Variants in PDIA3 observed in about 807,000 individuals in gnomAD.
PDIA3 encodes the protein protein disulfide-isomerase A3.
Under a neutral mutation model 56.9 loss-of-function variants are expected in PDIA3, and 16 were observed. That is an observed-to-expected ratio of 0.28 (90% confidence interval 0.19 to 0.43). The LOEUF (loss-of-function observed/expected upper bound fraction) is 0.43, where lower values mean the gene tolerates loss of function less well. PDIA3 is among the 20% of genes least tolerant of loss of function. The probability of loss-of-function intolerance (pLI) is 1.00; values close to 1 mark genes in which losing one functional copy is unlikely to be tolerated. For synonymous variants in PDIA3, 192 were observed against 216.5 expected, an observed-to-expected ratio of 0.89 and a Z score of 0.99; for missense variants, 485 against 621.3, an observed-to-expected ratio of 0.78 and a Z score of 2.33.
At chr15:43,753,985 A>T (rs192444090) in intron 2 of PDIA3, 83 bp downstream of exon 2, 2 of 892,358 alleles carry the variant, frequency 2.2e-6, no homozygotes, top group African/African-American at 3.3e-5. Flanking sequence ...ACATGGAAAA[A>T]AATAACAGTA....
In PDIA3 at chr15:43,765,434, C is replaced by T; in HGVS notation, c.603-16C>T. 1.0e-5 allele frequency: 12 copies of T among 1,185,558 alleles called. No individual in the cohort carries two copies. The highest frequency in any genetic ancestry group is 1.4e-5 in the South Asian group (1 of 72,986). 73.4% of individuals were successfully genotyped at this position (1,185,558 alleles called of 1,614,324 possible). A position where few individuals can be genotyped will look rare whatever the true frequency, so the allele number is the denominator to read the frequency against. Reference sequence around the variant, plus strand: ...CTGCTATCTGCCTACTGAGACTTTTCTTTTTTTTTTTTAAGGGGTATCATC... The same window carrying T: ...CTGCTATCTGCCTACTGAGACTTTTTTTTTTTTTTTTTAAGGGGTATCATC... On this transcript the variant is annotated splice_polypyrimidine_tract_variant and intron_variant, in intron 5 of 12. Coordinates refer to ENST00000300289, the MANE Select transcript of PDIA3 (RefSeq NM_005313.5).
At chr15:43,758,127 A>G (rs2086791526) in intron 3 of PDIA3, among the ~76,000 whole-genome samples, 1 of 151,158 alleles carries the variant, frequency 6.6e-6, no homozygotes, top group South Asian at 2.1e-4. Flanking sequence ...AATCCCAGCT[A>G]CTCGGGAGGC....
chr15:43,765,414 A>C (rs767580065), intron 5 of PDIA3, 36 bp from the exon 6 acceptor site: 1 of 1,149,786 alleles, frequency 8.7e-7, no homozygotes, highest in Non-Finnish European at 1.3e-6. Context: ...TTCTTCTGCT[A>C]TCTGCCTACT....
chr15:43,756,501 T>C (rs2086779272), intron 2 of PDIA3, 148 bp from the exon 3 acceptor site: 1 of 607,020 alleles, frequency 1.6e-6, no homozygotes, highest in African/African-American at 1.8e-5. Flanking sequence ...AGCTCCAGTC[T>C]GCCTTTAAAA....
Position 43,758,527 on chromosome 15 carries a change from G to A in PDIA3, c.364+1761G>A, listed in dbSNP as rs542354920. ...TACAAAAATTAGCTGGGTGTGATGC[G>A]CATACCTGTAATCCCAGCTACCTGG... On this transcript the variant is annotated intron_variant, in intron 3 of 12. Coordinates refer to ENST00000300289, the MANE Select transcript of PDIA3 (RefSeq NM_005313.5). Among the ~76,000 whole-genome samples, 16 of 150,022 alleles carry A rather than the reference G, an allele frequency of 1.1e-4. 1 individual carries two copies. Among genetic ancestry groups the A allele is most frequent in the African/African-American group, 2.7e-4 (11 of 40,790 alleles).
At chr15:43,758,690 A>G (rs2086795528) in intron 3 of PDIA3, among the ~76,000 whole-genome samples, 1 of 150,074 alleles carries the variant, frequency 6.7e-6, no homozygotes, top group Non-Finnish European at 1.5e-5. Flanking sequence ...AATTAAAAAT[A>G]GAAGGCCAGG....
rs971326857 is a variant in PDIA3, at chr15:43,768,223, A to G, written c.1029-266A>G. On this transcript the variant is annotated intron_variant, in intron 8 of 12. Transcript: ENST00000300289. ...TACTGTAAATAGTGTGCTCCAGAGC[A>G]ATAAGACCTTGTTTTCTTACAAAGA... is the stretch of plus-strand genomic sequence containing the variant. Among the ~76,000 whole-genome samples the G allele has an allele frequency of 2.0e-5, 3 of 152,196 alleles. No homozygotes were observed. The East Asian group carries it at 5.8e-4, about 29-fold the overall frequency.
At chr15:43,761,400 A>T in intron 3 of PDIA3, 24 bp from the exon 4 acceptor site, 1 of 1,285,926 alleles carries the variant, frequency 7.8e-7, no homozygotes, top group Non-Finnish European at 1.1e-6. Flanking sequence ...TTGTGTTGTC[A>T]TAACTTTTAT....
intron 7 of PDIA3, 46 bp from the exon 8 acceptor site, chr15:43,766,682 G>T (rs748283722): frequency 2.0e-6 from 3 of 1,531,750 alleles, no homozygotes; most frequent in South Asian, 2.3e-5. Context: ...AAAAGTGCTT[G>T]ACCACCCTGT....
chr15:43,765,983 C>G lies in PDIA3; in HGVS notation c.816C>G (p.Asn272Lys). The G allele has an allele frequency of 6.2e-7, 1 of 1,613,350 alleles. No individual in the cohort carries two copies. Among genetic ancestry groups the G allele is most frequent in the East Asian group, 2.2e-5 (1 of 44,780 alleles). The change falls in exon 7 of 13, where the codon AAC becomes AAG. Residue 272 changes from asparagine (N) to lysine (K), a missense_variant. Physicochemically the swap from Asn to Lys is moderately conservative, Grantham distance 94. Coordinates refer to ENST00000300289, the MANE Select transcript of PDIA3 (RefSeq NM_005313.5). ...ACTATGATGTGGACTATGAAAAGAA[C>G]GCTAAAGGTTCCAACTACTGGAGAA... ...IAYYDVDYEK[N>K]AKGSNYWRNR...
At position 43,769,048 on chromosome 15, in the gene PDIA3, G is replaced by A. The variant is rs919426315; in HGVS notation, c.1137+451G>A. On this transcript the variant is annotated intron_variant, in intron 9 of 12. Coordinates refer to ENST00000300289, the MANE Select transcript of PDIA3 (RefSeq NM_005313.5). ...TCAAAAAAAAAAAAAGCATTGGCAG[G>A]GCTCATAATGCTTGGTAGGGGCAAG... 6.6e-5 allele frequency among the ~76,000 whole-genome samples: 10 copies of A among 152,128 alleles called. No individual in the cohort carries two copies. In the East Asian group the frequency reaches 1.9e-3, roughly 29 times the overall value.
chr15:43,772,459 C>T lies in PDIA3; in HGVS notation c.*1241C>T, dbSNP rs1019670970. The T allele has an allele frequency of 6.6e-6, 1 of 152,190 alleles. No individual in the cohort carries two copies. The highest frequency in any genetic ancestry group is 1.9e-4 in the East Asian group (1 of 5,198). 9.4% of individuals were successfully genotyped at this position (152,190 alleles called of 1,614,324 possible). ...TGGAAAAAGTAAAAGATGTCTAAAC[C>T]ATAATCTTGTAACTCATAACATCTG... On this transcript the variant is annotated 3_prime_UTR_variant, in exon 13 of 13. Transcript: ENST00000300289.
chr15:43,761,325 A>T lies in PDIA3; in HGVS notation c.365-99A>T, dbSNP rs2086814720. On this transcript the variant is annotated intron_variant, in intron 3 of 12. Coordinates refer to ENST00000300289, the MANE Select transcript of PDIA3 (RefSeq NM_005313.5). Reference sequence around the variant, plus strand: ...AAGGGTGGCAAGAAGATTTCATCTTATACCCTTTTGTACCTTCTGAATTGT... The same window carrying T: ...AAGGGTGGCAAGAAGATTTCATCTTTTACCCTTTTGTACCTTCTGAATTGT... The T allele has an allele frequency of 1.0e-5, 6 of 582,094 alleles. No individual in the cohort carries two copies. The South Asian group carries it at 1.3e-4, about 12-fold the overall frequency. 36.1% of individuals were successfully genotyped at this position (582,094 alleles called of 1,614,324 possible). A position where few individuals can be genotyped will look rare whatever the true frequency, so the allele number is the denominator to read the frequency against.
At chr15:43,758,974 CA>C (rs1294456297) in intron 3 of PDIA3, among the ~76,000 whole-genome samples, 45 of 141,642 alleles carry the variant, frequency 3.2e-4, no homozygotes, top group Admixed American at 5.0e-4. Flanking sequence ...GACCCTGTCT[CA>C]AAAAAAAAAA....
intron 5 of PDIA3, among the ~76,000 whole-genome samples, chr15:43,764,912 A>T (rs141803793): frequency 2.0e-5 from 3 of 152,302 alleles, no homozygotes; most frequent in African/African-American, 7.2e-5. Flanking sequence ...ACGTTCTCTT[A>T]ATTTTCTAAC....
chr15:43,756,844 T>C, intron 3 of PDIA3, 78 bp downstream of exon 3: 3 of 812,382 alleles, frequency 3.7e-6, no homozygotes, highest in Non-Finnish European at 6.2e-6. Flanking sequence ...AAATGTGTTT[T>C]TCTACACAGT....
intron 3 of PDIA3, among the ~76,000 whole-genome samples, chr15:43,757,403 A>G (rs1407413770): frequency 1.3e-5 from 2 of 151,636 alleles, no homozygotes; most frequent in Non-Finnish European, 2.9e-5. Context: ...CCAAAAATAC[A>G]AAAAATTAGC....
intron 4 of PDIA3, 147 bp downstream of exon 4, chr15:43,761,678 T>A: frequency 1.7e-6 from 1 of 572,858 alleles, no homozygotes; most frequent in Non-Finnish European, 3.2e-6. Flanking sequence ...CAGCAATTAC[T>A]ATAATGTACT....
Position 43,768,581 on chromosome 15 carries a change from A to G in PDIA3, c.1121A>G (p.Asn374Ser), listed in dbSNP as rs374627089. 59 of 1,607,306 alleles carry G rather than the reference A, an allele frequency of 3.7e-5. 1 individual carries two copies. Among genetic ancestry groups the G allele is most frequent in the South Asian group, 2.4e-4 (22 of 90,948 alleles). Residue 374 changes from asparagine (N) to serine (S), a missense_variant, in exon 9 of 13, where the codon AAT becomes AGT. Asn to Ser is a conservative substitution (Grantham distance 46). Coordinates refer to ENST00000300289, the MANE Select transcript of PDIA3 (RefSeq NM_005313.5). The stretch of plus-strand genomic sequence containing the variant: ...AAGTCTGAACCTATCCCAGAGAGCA[A>G]TGATGGGCCTGTGAAGGTGAGGTGC... ...YLKSEPIPES[N>S]DGPVKVVVAE...
Sources: gnomAD v4.1 joint callset for allele counts (sites outside exome capture counted in the v4.1 genomes callset) on GRCh38, gnomAD v4.1.1 for gene constraint, MANE v1.5 for transcripts, NCBI Gene and HGNC (gene_info 2026-07-23, HGNC 2026-07-21) for gene names.